GCA: variants seen among roughly 807,000 people sequenced by gnomAD.
The protein encoded by GCA is grancalcin, EF-hand calcium-binding protein.
GCA carries 30 observed loss-of-function variants against 32.6 expected under a neutral mutation model. The ratio of observed to expected loss-of-function variants is 0.92; its 90% CI spans 0.69 to 1.25. The LOEUF (loss-of-function observed/expected upper bound fraction) is 1.25, where lower values mean the gene tolerates loss of function less well. GCA is among the 50% of genes most tolerant of loss of function. The pLI, the probability that GCA is intolerant of heterozygous loss-of-function variation, is 0.00. For synonymous variants in GCA, 102 were observed against 84.6 expected (o/e 1.21, Z -1.13); for missense variants, 291 against 266.8 (o/e 1.09, Z -0.63).
intron 2 of GCA, among the ~76,000 whole-genome samples, chr2:162,347,983 G>A (rs973939219): frequency 6.6e-6 from 1 of 152,082 alleles, no homozygotes. Flanking sequence ...TTTCCATAGT[G>A]CGGAAATCTG....
intron 1 of GCA, among the ~76,000 whole-genome samples, chr2:162,337,582 G>A (rs1684308798): frequency 2.0e-5 from 3 of 152,152 alleles, no homozygotes; most frequent in Non-Finnish European, 2.9e-5. Context: ...CAAGGAAAGC[G>A]TTTAAGGTAA....
chr2:162,352,263 A>G, intron 2 of GCA, 75 bp from the exon 3 acceptor site: 1 of 875,862 alleles, frequency 1.1e-6, no homozygotes, highest in Non-Finnish European at 1.9e-6. Context: ...TGATTGGCCT[A>G]GAACAGTCAA....
chr2:162,365,922 C>T (rs1014679808), downstream of GCA, among the ~76,000 whole-genome samples: 2 of 151,450 alleles, frequency 1.3e-5, no homozygotes, highest in Non-Finnish European at 3.0e-5. Flanking sequence ...TTTAATTTTA[C>T]CCCTAAATAA....
downstream of GCA, among the ~76,000 whole-genome samples, chr2:162,367,355 T>G (rs1398741261): frequency 6.6e-6 from 1 of 151,874 alleles, no homozygotes; most frequent in African/African-American, 2.4e-5. Context: ...AAATGGAAAA[T>G]TATATACTTT....
chr2:162,322,870 A>G (rs966980834), intron 1 of GCA, among the ~76,000 whole-genome samples: 4 of 151,758 alleles, frequency 2.6e-5, no homozygotes, highest in African/African-American at 7.3e-5. Flanking sequence ...ATAAACATAC[A>G]TGTGCATGTG....
intron 1 of GCA, among the ~76,000 whole-genome samples, chr2:162,335,204 G>C (rs1684228732): frequency 6.6e-6 from 1 of 152,124 alleles, no homozygotes; most frequent in Non-Finnish European, 1.5e-5. Context: ...TTGAGGTCAG[G>C]AGTTCAAGGC....
intron 1 of GCA, chr2:162,319,309 A>G (rs955509106): frequency 2.2e-6 from 1 of 450,128 alleles, no homozygotes; most frequent in Non-Finnish European, 4.5e-6. Flanking sequence ...AGCTTTGACC[A>G]GGACCTGGTA....
intron 1 of GCA, among the ~76,000 whole-genome samples, chr2:162,320,164 T>C (rs1036355726): frequency 1.2e-4 from 18 of 152,302 alleles, no homozygotes; most frequent in East Asian, 9.6e-4. Flanking sequence ...ACACTGAAAG[T>C]TGAAGTAAAT....
At chr2:162,341,256 T>C (rs1684432959), upstream of GCA, among the ~76,000 whole-genome samples, 1 of 134,934 alleles carries the variant, frequency 7.4e-6, no homozygotes, top group South Asian at 2.3e-4. Context: ...AGCTGGTATG[T>C]CTTATTTATT....
chr2:162,329,925 T>G (rs1264485058), intron 1 of GCA, among the ~76,000 whole-genome samples: 3 of 152,166 alleles, frequency 2.0e-5, no homozygotes. Context: ...ACATGCAGTA[T>G]TTGGTTTTTT....
At chr2:162,336,695 GATTTA>G (rs1684281782) in intron 1 of GCA, among the ~76,000 whole-genome samples, 1 of 151,970 alleles carries the variant, frequency 6.6e-6, no homozygotes, top group Non-Finnish European at 1.5e-5. Context: ...GAAATATTTG[GATTTA>G]ATTAAGTATC....
chr2:162,352,405 C>G lies in GCA; in HGVS notation c.260C>G (p.Ser87Cys). 6.5e-7 allele frequency: 1 copy of G among 1,534,834 alleles called. No homozygotes were observed. The highest frequency in any genetic ancestry group is 1.1e-5 in the South Asian group (1 of 88,164). ...LTQSGINGTY[S>C]PFSLETCRIM... The stretch of plus-strand genomic sequence containing the variant: ...CAGTCTGGAATTAATGGAACTTACT[C>G]TCGTGAGATCTTTTTTCCCCTTTTG... The change falls in exon 3 of 8, where the codon TCT becomes TGT. Residue 87 changes from serine (S) to cysteine (C), a missense_variant and splice_region_variant. Ser to Cys is a moderately radical substitution (Grantham distance 112, BLOSUM62 -1). Coordinates refer to ENST00000437150, the MANE Select transcript of GCA (RefSeq NM_012198.5).
At position 162,344,280 on chromosome 2, in the gene GCA, G is replaced by A. The variant is rs1443714626; in HGVS notation, c.27+5G>A. On this transcript the variant is annotated splice_donor_5th_base_variant and intron_variant, in intron 1 of 7. Coordinates refer to ENST00000437150, the MANE Select transcript of GCA (RefSeq NM_012198.5). Reference sequence around the variant, plus strand: ...TACCCGGGATACGGAGGAGGGGTGAGTCCCAGCCGCTTGGTCGTGTCCCTC... The same window carrying A: ...TACCCGGGATACGGAGGAGGGGTGAATCCCAGCCGCTTGGTCGTGTCCCTC... 1 of 1,613,376 alleles carries A rather than the reference G, an allele frequency of 6.2e-7. No individual in the cohort carries two copies. Among genetic ancestry groups the A allele is most frequent in the Non-Finnish European group, 8.5e-7 (1 of 1,179,748 alleles).
downstream of GCA, among the ~76,000 whole-genome samples, chr2:162,363,788 A>G (rs1457128633): frequency 6.6e-6 from 1 of 151,502 alleles, no homozygotes; most frequent in East Asian, 1.9e-4. Flanking sequence ...AGAGTCTTAT[A>G]TACTTAGCAT....
intron 1 of GCA, chr2:162,319,279 T>G (rs748317145): frequency 4.4e-6 from 2 of 456,518 alleles, no homozygotes; most frequent in South Asian, 3.1e-5. Flanking sequence ...GCCTCATATT[T>G]AGATTGCTGG....
At chr2:162,371,101 A>G (rs1685923356) in intron 4 of GCA, among the ~76,000 whole-genome samples, 1 of 152,152 alleles carries the variant, frequency 6.6e-6, no homozygotes, top group Non-Finnish European at 1.5e-5. Context: ...CCAGAAAAAA[A>G]GCAAAATGAG....
chr2:162,351,441 A>G (rs1684995202), intron 2 of GCA, among the ~76,000 whole-genome samples: 1 of 152,204 alleles, frequency 6.6e-6, no homozygotes, highest in African/African-American at 2.4e-5. Context: ...TTCTACCGCT[A>G]ATGCTACCTA....
At chr2:162,359,695 A>C (rs570495196) in intron 7 of GCA, 143 bp downstream of exon 7, 1 of 430,032 alleles carries the variant, frequency 2.3e-6, no homozygotes, top group Non-Finnish European at 4.3e-6. Context: ...GTGTAACACA[A>C]ATATAAGATT....
At chr2:162,371,082 C>G (rs547132500) in intron 4 of GCA, among the ~76,000 whole-genome samples, 1 of 152,092 alleles carries the variant, frequency 6.6e-6, no homozygotes, top group Non-Finnish European at 1.5e-5. Context: ...ACCACACCAT[C>G]CCCCGCCTCC....
Sources: allele counts gnomAD v4.1 joint callset (sites outside exome capture counted in the v4.1 genomes callset), GRCh38; gene constraint gnomAD v4.1.1; transcripts MANE v1.5; gene names NCBI Gene and HGNC (gene_info 2026-07-23, HGNC 2026-07-21).